BCL2L11: variants seen among roughly 807,000 people sequenced by gnomAD.
The protein encoded by BCL2L11 is bcl-2-like protein 11.
In BCL2L11, 15 loss-of-function variants were observed where a neutral mutation model predicts 20.6. The observed-to-expected ratio is 0.73, with a 90% CI of 0.49 to 1.12. The LOEUF (loss-of-function observed/expected upper bound fraction) is 1.12, where lower values mean the gene tolerates loss of function less well. Among genes scored for constraint, BCL2L11 ranks in the 50% most tolerant of loss-of-function variants. BCL2L11 has a pLI of 0.00. For missense variants in BCL2L11, 292 were observed against 260.9 expected, an observed-to-expected ratio of 1.12 and a Z score of -0.82; for synonymous variants, 108 against 92.8, an observed-to-expected ratio of 1.16 and a Z score of -0.94.
Position 111,123,872 on chromosome 2 carries a change from A to T in BCL2L11, c.127A>T (p.Asn43Tyr), listed in dbSNP as rs776156195. 6.2e-7 allele frequency: 1 copy of T among 1,604,532 alleles called. No individual in the cohort carries two copies. Among genetic ancestry groups the T allele is most frequent in the African/African-American group, 1.3e-5 (1 of 74,508 alleles). The change falls in exon 2 of 4, where the codon AAT (asparagine) becomes TAT (tyrosine). Residue 43 changes from asparagine (N) to tyrosine (Y), a missense_variant. Physicochemically the swap from Asn to Tyr is moderately radical, Grantham distance 143. Transcript: ENST00000393256. Reference protein sequence around the residue: ...PTSLQTEPQGNPEGNHGGEGD... With the variant: ...PTSLQTEPQGYPEGNHGGEGD... Reference sequence around the variant, plus strand: ...CTCCCTACAGACAGAGCCACAAGGTAATCCTGAAGGCAATCACGGAGGTGA... The same window carrying T: ...CTCCCTACAGACAGAGCCACAAGGTTATCCTGAAGGCAATCACGGAGGTGA...
intron 3 of BCL2L11, chr2:111,162,767 A>T (rs1431711376): frequency 6.6e-6 from 1 of 152,226 alleles, no homozygotes; most frequent in Non-Finnish European, 1.5e-5. Flanking sequence ...ATCATAGCGT[A>T]CACTTTCTTC....
At chr2:111,159,502 A>C (rs972032120) in intron 3 of BCL2L11, among the ~76,000 whole-genome samples, 1 of 152,102 alleles carries the variant, frequency 6.6e-6, no homozygotes, top group African/African-American at 2.4e-5. Flanking sequence ...GACTCCTCTC[A>C]CTGTTGGAGA....
At chr2:111,161,240 C>T (rs763386365) in intron 3 of BCL2L11, among the ~76,000 whole-genome samples, 1 of 152,220 alleles carries the variant, frequency 6.6e-6, no homozygotes, top group Non-Finnish European at 1.5e-5. Context: ...ACACAGTGTA[C>T]AGTTCAGCCC....
chr2:111,131,001 A>G (rs185757050), intron 2 of BCL2L11, among the ~76,000 whole-genome samples: 6 of 152,120 alleles, frequency 3.9e-5, no homozygotes, highest in African/African-American at 1.4e-4. Context: ...TGCTGGATTG[A>G]ATTTGTCGAT....
In BCL2L11 at chr2:111,166,579, A is replaced by G. The variant is rs1366164750; in HGVS notation, c.*2348A>G. 6.5e-6 allele frequency: 1 copy of G among 152,682 alleles called. No homozygotes were observed. The highest frequency in any genetic ancestry group is 2.4e-5 in the African/African-American group (1 of 41,462). 9.5% of individuals were successfully genotyped at this position (152,682 alleles called of 1,614,324 possible). On this transcript the variant is annotated 3_prime_UTR_variant, in exon 4 of 4. Coordinates refer to ENST00000393256, the MANE Select transcript of BCL2L11 (RefSeq NM_138621.5). Reference sequence around the variant, plus strand: ...TACCTTTTTTAAAAAACATTTTTGTAGAAAAAATAATTAAATCCCCTTTTT... The same window carrying G: ...TACCTTTTTTAAAAAACATTTTTGTGGAAAAAATAATTAAATCCCCTTTTT...
chr2:111,129,088 C>T (rs1456120085), intron 2 of BCL2L11, among the ~76,000 whole-genome samples: 2 of 152,228 alleles, frequency 1.3e-5, no homozygotes, highest in Non-Finnish European at 2.9e-5. Flanking sequence ...ATCTTGTAAG[C>T]ATTTTAAACA....
At chr2:111,161,613 C>G in intron 3 of BCL2L11, 7 of 1,484,986 alleles carry the variant, frequency 4.7e-6, no homozygotes, top group Non-Finnish European at 6.3e-6. Flanking sequence ...AATGACAGCT[C>G]CTGGCTCAGT....
rs1203316577 is a variant in BCL2L11, at chr2:111,164,301, C to T, written c.*70C>T. 1.5e-5 allele frequency: 17 copies of T among 1,170,980 alleles called. No homozygotes were observed. Among genetic ancestry groups the T allele is most frequent in the African/African-American group, 4.5e-5 (3 of 66,254 alleles). 72.5% of individuals were successfully genotyped at this position (1,170,980 alleles called of 1,614,324 possible). On this transcript the variant is annotated 3_prime_UTR_variant, in exon 4 of 4. Transcript: ENST00000393256. ...TTCAAACCAACAAGACCCAGCACCG[C>T]GGTCTCCTGGTGCCATTATTATGCA...
chr2:111,131,562 C>T (rs918465290), intron 2 of BCL2L11: 2 of 151,882 alleles, frequency 1.3e-5, no homozygotes, highest in Non-Finnish European at 2.9e-5. Flanking sequence ...ACTGATTTTT[C>T]TCTACTTTCC....
chr2:111,153,828 CT>C, intron 3 of BCL2L11: 1 of 1,551,896 alleles, frequency 6.4e-7, no homozygotes, highest in Non-Finnish European at 8.7e-7. Context: ...ATTCAGTCCA[CT>C]TAAGGGCAGT....
In BCL2L11 at chr2:111,123,714, GT is replaced by G; in HGVS notation, c.-13-14del. 7.2e-7 allele frequency: 1 copy of G among 1,390,316 alleles called. No homozygotes were observed. Among genetic ancestry groups the G allele is most frequent in the Non-Finnish European group, 9.4e-7 (1 of 1,065,272 alleles). The allele number at this position is 1,390,316 out of a possible 1,614,324, so 86.1% of individuals were successfully genotyped here. ...TTTTTTTTTGCTTAAAATAATCTTA[GT>G]TTTTATTTTACTTGCAGAAAAAAAG... On this transcript the variant is annotated intron_variant, in intron 1 of 3. Transcript: ENST00000393256.
chr2:111,154,773 G>C (rs2077636913), intron 3 of BCL2L11, among the ~76,000 whole-genome samples: 1 of 152,230 alleles, frequency 6.6e-6, no homozygotes, highest in African/African-American at 2.4e-5. Flanking sequence ...AGGACAAAGA[G>C]CTTTCCTTTC....
chr2:111,165,659 G>T lies in BCL2L11; in HGVS notation c.*1428G>T, dbSNP rs2078984062. 1 of 152,194 alleles carries T rather than the reference G, an allele frequency of 6.6e-6. No individual in the cohort carries two copies. The highest frequency in any genetic ancestry group is 6.5e-5 in the Admixed American group (1 of 15,286). The allele number at this position is 152,194 out of a possible 1,614,324, so 9.4% of individuals were successfully genotyped here. A position where few individuals can be genotyped will look rare whatever the true frequency, so the allele number is the denominator to read the frequency against. ...GTCAGTCATTTCAGAGGCAGCAGAT[G>T]CCCAGGGAGACCCAAGAAAGAGTCA... On this transcript the variant is annotated 3_prime_UTR_variant, in exon 4 of 4. Transcript: ENST00000393256.
chr2:111,122,913 A>AAT, intron 1 of BCL2L11: 1 of 985,086 alleles, frequency 1.0e-6, no homozygotes, highest in Non-Finnish European at 1.2e-6. Flanking sequence ...CTCTGAAGGG[A>AAT]AGGCGCGGAC....
At chr2:111,123,369 A>AC in intron 1 of BCL2L11, 1 of 985,314 alleles carries the variant, frequency 1.0e-6, no homozygotes. Flanking sequence ...GTCCTACCTA[A>AC]CCCCGGGAAG....
At chr2:111,134,948 TAAG>T (rs1452950406) in intron 2 of BCL2L11, among the ~76,000 whole-genome samples, 2 of 152,260 alleles carry the variant, frequency 1.3e-5, no homozygotes, top group Non-Finnish European at 2.9e-5. Context: ...CTTTTAGTAT[TAAG>T]AAGTTTAATT....
intron 2 of BCL2L11, among the ~76,000 whole-genome samples, chr2:111,147,342 TCTCTCACA>T (rs1167797559): frequency 6.7e-5 from 9 of 133,558 alleles, no homozygotes; most frequent in Admixed American, 6.1e-4. Flanking sequence ...TCTCTCTCTC[TCTCTCACA>T]CACACACACA....
chr2:111,122,651 G>A (rs898401438), intron 1 of BCL2L11: 3 of 983,932 alleles, frequency 3.0e-6, no homozygotes, highest in Admixed American at 1.2e-4. Context: ...GGAGGAGGCG[G>A]AGGATGTTCC....
intron 2 of BCL2L11, among the ~76,000 whole-genome samples, chr2:111,128,169 C>T (rs1574926742): frequency 6.6e-6 from 1 of 152,058 alleles, no homozygotes; most frequent in Non-Finnish European, 1.5e-5. Context: ...ACTTCAGATA[C>T]CTTATATAAG....
Sources: allele counts gnomAD v4.1 joint callset (sites outside exome capture counted in the v4.1 genomes callset), GRCh38; gene constraint gnomAD v4.1.1; transcripts MANE v1.5; gene names NCBI Gene and HGNC (gene_info 2026-07-23, HGNC 2026-07-21).